The following RTL4 variants were observed in gnomAD, a reference collection of about 807,000 sequenced individuals.
The protein encoded by RTL4 is retrotransposon Gag-like protein 4.
RTL4 carries 4 observed loss-of-function variants against 5.3 expected under a neutral mutation model. The observed-to-expected ratio is 0.75, with a 90% CI of 0.37 to 1.72. RTL4 has a LOEUF of 1.72. Ranked by LOEUF, RTL4 falls within the 40% of genes most tolerant of loss-of-function variation. RTL4 has a pLI of 0.04. For synonymous variants in RTL4, 98 were observed against 87.3 expected, an observed-to-expected ratio of 1.12 and a Z score of -0.68; for missense variants, 260 against 227.1, an observed-to-expected ratio of 1.14 and a Z score of -0.93.
the RTL4 span, among the ~76,000 whole-genome samples, chrX:112,117,712 G>A: frequency 9.0e-6 from 1 of 111,657 alleles, no homozygotes. Flanking sequence ...AAATGGGCAC[G>A]TGTACAATTA....
the RTL4 span, among the ~76,000 whole-genome samples, chrX:112,249,046 C>A: frequency 8.9e-6 from 1 of 112,213 alleles, no homozygotes; most frequent in Non-Finnish European, 1.9e-5. Flanking sequence ...AAGGCTTCAA[C>A]CAGAGCCCAA....
chrX:112,198,171 A>G, the RTL4 span, among the ~76,000 whole-genome samples: 2 of 111,684 alleles, frequency 1.8e-5, no homozygotes, highest in African/African-American at 6.5e-5. Flanking sequence ...AAATACTTTC[A>G]TGCATAGATA....
the RTL4 span, among the ~76,000 whole-genome samples, chrX:112,386,369 C>T: frequency 3.5e-4 from 39 of 111,270 alleles, no homozygotes; most frequent in African/African-American, 1.2e-3. Context: ...AACTTTTTTT[C>T]CCATAGGTTT....
At chrX:112,247,435 C>T in the RTL4 span, among the ~76,000 whole-genome samples, 2 of 111,809 alleles carry the variant, frequency 1.8e-5, no homozygotes, top group African/African-American at 6.5e-5. Context: ...TTTAACTTAA[C>T]AGTATGTTTT....
the RTL4 span, among the ~76,000 whole-genome samples, chrX:112,212,120 T>C: frequency 8.9e-6 from 1 of 112,673 alleles, no homozygotes; most frequent in Non-Finnish European, 1.9e-5. Context: ...CTCACGCCTG[T>C]AATCCCAGCA....
chrX:112,448,893 C>T, the RTL4 span, among the ~76,000 whole-genome samples: 1 of 111,249 alleles, frequency 9.0e-6, no homozygotes, highest in Admixed American at 9.5e-5. Flanking sequence ...AGATTTAAAT[C>T]TCTGTACACA....
chrX:112,200,907 C>T, the RTL4 span, among the ~76,000 whole-genome samples: 1 of 111,696 alleles, frequency 9.0e-6, no homozygotes, highest in Admixed American at 9.5e-5. Flanking sequence ...GTGTACAAAG[C>T]AAGACGAGGG....
At chrX:112,188,707 A>AAAAC in the RTL4 span, among the ~76,000 whole-genome samples, 2 of 106,633 alleles carry the variant, frequency 1.9e-5, no homozygotes, top group Admixed American at 1.0e-4. Flanking sequence ...CTTGGAATAG[A>AAAAC]AAACAAACAA....
chrX:112,137,960 G>T, the RTL4 span, among the ~76,000 whole-genome samples: 1 of 111,831 alleles, frequency 8.9e-6, no homozygotes, highest in Non-Finnish European at 1.9e-5. Flanking sequence ...GTTCATTGTA[G>T]CATTGTTCAC....
chrX:112,203,779 T>C, the RTL4 span, among the ~76,000 whole-genome samples: 1 of 112,348 alleles, frequency 8.9e-6, no homozygotes. Context: ...AATAAGCTCG[T>C]CCATGTCTAA....
At chrX:112,133,486 C>T in the RTL4 span, among the ~76,000 whole-genome samples, 420 of 111,482 alleles carry the variant, frequency 3.8e-3, no homozygotes, top group Non-Finnish European at 6.1e-3. Flanking sequence ...GGCAAGGGAC[C>T]GACTCCCTCC....
rs185061031 is a variant in RTL4, at chrX:112,454,571, C to T, written c.-158C>T. The T allele has an allele frequency of 1.1e-4, 51 of 472,716 alleles. 1 individual carries two copies. Among genetic ancestry groups the T allele is most frequent in the Admixed American group, 6.5e-4 (16 of 24,504 alleles). The allele number at this position is 472,716 out of a possible 1,213,427, so 39.0% of individuals were successfully genotyped here. On this transcript the variant is annotated 5_prime_UTR_variant, in exon 1 of 1. Coordinates refer to ENST00000340433, the Ensembl canonical transcript of RTL4. ...AACACTTTTTGGCATCTCTCCAATTCAGCTGTTAGCATCTCCTAGTGTCTT... is the reference window on the plus strand; with the variant it reads ...AACACTTTTTGGCATCTCTCCAATTTAGCTGTTAGCATCTCCTAGTGTCTT...
chrX:112,233,073 T>TAGA, the RTL4 span, among the ~76,000 whole-genome samples: 9 of 111,683 alleles, frequency 8.1e-5, no homozygotes, highest in Non-Finnish European at 1.5e-4. Context: ...CCTTTGGATT[T>TAGA]AGAAGAACAT....
chrX:112,362,966 G>A, the RTL4 span, among the ~76,000 whole-genome samples: 3 of 110,916 alleles, frequency 2.7e-5, no homozygotes, highest in Non-Finnish European at 5.7e-5. Context: ...AAGTTTGTAC[G>A]GAAAAAGCAC....
exon 1 of RTL4, chrX:112,454,929 C>A: frequency 8.3e-7 from 1 of 1,210,221 alleles, no homozygotes; most frequent in Non-Finnish European, 1.1e-6. Flanking sequence ...TTCATGGTGA[C>A]CCTGCCAATT....
chrX:112,141,371 GTTTAACAACTTTC>G, the RTL4 span, among the ~76,000 whole-genome samples: 5 of 110,899 alleles, frequency 4.5e-5, no homozygotes, highest in African/African-American at 1.7e-4. Context: ...ATAAAAGATA[GTTTAACAACTTTC>G]TTTTCAATCT....
At chrX:112,413,556 A>C in the RTL4 span, among the ~76,000 whole-genome samples, 1 of 109,950 alleles carries the variant, frequency 9.1e-6, no homozygotes, top group Non-Finnish European at 1.9e-5. Flanking sequence ...ACAACATAGA[A>C]GGAACTGGAA....
At chrX:112,402,400 T>TTTTG in the RTL4 span, among the ~76,000 whole-genome samples, 8 of 87,418 alleles carry the variant, frequency 9.2e-5, no homozygotes, top group Non-Finnish European at 1.3e-4. Context: ...GGAATTATTA[T>TTTTG]TGTGTGTGTG....
the RTL4 span, among the ~76,000 whole-genome samples, chrX:112,291,889 C>G: frequency 9.0e-6 from 1 of 110,691 alleles, no homozygotes; most frequent in African/African-American, 3.3e-5. Flanking sequence ...GCCACCGTGC[C>G]CGGCCTAGAC....
Sources: allele counts gnomAD v4.1 joint callset (sites outside exome capture counted in the v4.1 genomes callset), GRCh38; gene constraint gnomAD v4.1.1; transcripts MANE v1.5; gene names NCBI Gene and HGNC (gene_info 2026-07-23, HGNC 2026-07-21).